Variants in BTD observed in about 807,000 individuals in gnomAD.
The protein encoded by BTD is biocytinase.
In BTD, 13 loss-of-function variants were observed where a neutral mutation model predicts 17.7. The observed-to-expected ratio is 0.74, with a 90% CI of 0.48 to 1.17. The LOEUF (loss-of-function observed/expected upper bound fraction) is 1.17, where lower values mean the gene tolerates loss of function less well. BTD is among the 50% of genes most tolerant of loss of function. The pLI, the probability that BTD is intolerant of heterozygous loss-of-function variation, is 0.00. For synonymous variants in BTD, 240 were observed against 245.2 expected (o/e 0.98, Z 0.20); for missense variants, 674 against 650.4 (o/e 1.04, Z -0.39).
At chr3:15,721,220 T>C (rs2073688942) in intron 4 of BTD, 2 of 1,027,114 alleles carry the variant, frequency 1.9e-6, no homozygotes, top group Admixed American at 4.4e-5. Flanking sequence ...GCAATCAAAT[T>C]ACTAAAGTGA....
intron 1 of BTD, among the ~76,000 whole-genome samples, chr3:15,617,454 G>A (rs188947842): frequency 3.3e-5 from 5 of 152,090 alleles, no homozygotes; most frequent in Non-Finnish European, 7.4e-5. Context: ...CTTGTGAAGG[G>A]TATAAGATCT....
chr3:15,642,050 A>T lies in BTD; in HGVS notation c.392A>T (p.Asp131Val). ...TGCCTGGAGCCTCACCGCTTCAATG[A>T]CACAGAGGTGATTCCTGCCTTTTTC... ...NPCLEPHRFN[D>V]TEVLQRLSCM... The change falls in exon 3 of 4, where the codon GAC becomes GTC. Residue 131 changes from aspartate to valine, a missense_variant. Physicochemically the swap from Asp to Val is radical, Grantham distance 152. Coordinates refer to ENST00000643237, the MANE Select transcript of BTD (RefSeq NM_001370658.1). 6.2e-7 allele frequency: 1 copy of T among 1,614,140 alleles called. No homozygotes were observed. The highest frequency in any genetic ancestry group is 8.5e-7 in the Non-Finnish European group (1 of 1,180,006).
At chr3:15,678,030 T>C (rs1388305934) in intron 3 of BTD, among the ~76,000 whole-genome samples, 1 of 152,146 alleles carries the variant, frequency 6.6e-6, no homozygotes, top group Admixed American at 6.6e-5. Context: ...GACTCCTCAA[T>C]AGTCAGGGCA....
At chr3:15,665,752 C>T (rs191242314) in intron 3 of BTD, among the ~76,000 whole-genome samples, 42 of 152,278 alleles carry the variant, frequency 2.8e-4, no homozygotes, top group Non-Finnish European at 4.6e-4. Context: ...ATGTGATGCA[C>T]GCAGAAGGCA....
intron 1 of BTD, among the ~76,000 whole-genome samples, chr3:15,630,669 T>A (rs2065183507): frequency 6.6e-6 from 1 of 152,220 alleles, no homozygotes; most frequent in South Asian, 2.1e-4. Flanking sequence ...TCTCTTTTTT[T>A]AAAATAATAG....
chr3:15,714,858 C>T (rs2072814641), downstream of BTD, among the ~76,000 whole-genome samples: 1 of 151,994 alleles, frequency 6.6e-6, no homozygotes, highest in South Asian at 2.1e-4. Context: ...CACAAATATA[C>T]AAAAATTCCA....
intron 3 of BTD, chr3:15,670,173 C>G (rs2066205074): frequency 7.3e-7 from 1 of 1,365,420 alleles, no homozygotes; most frequent in African/African-American, 1.5e-5. Context: ...GGGATCTTTC[C>G]TCTTAGGTTG....
At chr3:15,687,989 C>T (rs1381092343) in intron 3 of BTD, among the ~76,000 whole-genome samples, 7 of 152,158 alleles carry the variant, frequency 4.6e-5, no homozygotes, top group Admixed American at 4.6e-4. Flanking sequence ...TCTCTATAGA[C>T]CTCCAAATTT....
intron 3 of BTD, chr3:15,695,224 A>T: frequency 6.4e-7 from 1 of 1,566,432 alleles, no homozygotes. Flanking sequence ...TCTGAAATAA[A>T]AGTCAAAACA....
intron 3 of BTD, among the ~76,000 whole-genome samples, chr3:15,704,614 A>G (rs1415562252): frequency 6.6e-6 from 1 of 152,244 alleles, no homozygotes; most frequent in Non-Finnish European, 1.5e-5. Flanking sequence ...TTGCTTTGGC[A>G]GAATGAGTTA....
intron 1 of BTD, among the ~76,000 whole-genome samples, chr3:15,634,355 C>CA (rs1389653031): frequency 3.3e-5 from 5 of 152,186 alleles, no homozygotes; most frequent in Non-Finnish European, 7.3e-5. Context: ...TGTTCAGCCC[C>CA]AGGACATCTC....
At position 15,643,035 on chromosome 3, in the gene BTD, A is replaced by AT. The variant is rs1421458798; in HGVS notation, c.399+978_399+979insT. 4.7e-4 allele frequency among the ~76,000 whole-genome samples: 64 copies of AT among 135,926 alleles called. 5 individuals carry two copies. Among genetic ancestry groups the AT allele is most frequent in the African/African-American group, 1.5e-3 (47 of 31,136 alleles). The allele number at this position is 135,926 out of a possible 152,430, so 89.2% of individuals were successfully genotyped here. A position where few individuals can be genotyped will look rare whatever the true frequency, so the allele number is the denominator to read the frequency against. On this transcript the variant is annotated intron_variant, in intron 3 of 3. Coordinates refer to ENST00000643237, the MANE Select transcript of BTD (RefSeq NM_001370658.1). ...GGAGCAAAACTCTGCCTCAAAAAAA[A>AT]AAAAAAAAATAAAATAAAATAAAGA...
At chr3:15,720,854 C>T (rs920839011) in intron 4 of BTD, 5 of 1,441,496 alleles carry the variant, frequency 3.5e-6, no homozygotes, top group East Asian at 2.3e-5. Context: ...TGGTATTCAC[C>T]ATTGATGTTG....
At chr3:15,685,291 A>G in intron 3 of BTD, 1 of 1,614,012 alleles carries the variant, frequency 6.2e-7, no homozygotes, top group Non-Finnish European at 8.5e-7. Context: ...ATTTGCATCC[A>G]TAGATGCTGC....
rs1190429401 is a variant in BTD, at chr3:15,646,939, G to C, written c.*1451G>C. 2 of 152,090 alleles carry C rather than the reference G, an allele frequency of 1.3e-5. No homozygotes were observed. Among genetic ancestry groups the C allele is most frequent in the Non-Finnish European group, 2.9e-5 (2 of 68,020 alleles). The allele number at this position is 152,090 out of a possible 1,614,324, so 9.4% of individuals were successfully genotyped here. A position where few individuals can be genotyped will look rare whatever the true frequency, so the allele number is the denominator to read the frequency against. On this transcript the variant is annotated 3_prime_UTR_variant, in exon 4 of 4. Transcript: ENST00000643237. Reference sequence around the variant, plus strand: ...TGGCCTCACCATTAACTCCTCACTGGGGAGACCTTGGGCCTCGGTTTTTTA... The same window carrying C: ...TGGCCTCACCATTAACTCCTCACTGCGGAGACCTTGGGCCTCGGTTTTTTA...
intron 1 of BTD, among the ~76,000 whole-genome samples, chr3:15,613,111 A>G (rs1391985204): frequency 1.3e-5 from 2 of 152,202 alleles, no homozygotes; most frequent in Non-Finnish European, 2.9e-5. Context: ...TTTTAACTAC[A>G]TATGTGAAAG....
intron 1 of BTD, among the ~76,000 whole-genome samples, chr3:15,616,532 C>A (rs1023661543): frequency 2.0e-5 from 3 of 151,956 alleles, no homozygotes; most frequent in Non-Finnish European, 2.9e-5. Flanking sequence ...AGGAGAATTT[C>A]TTGAACCTGG....
chr3:15,626,317 G>A (rs1400603301), intron 1 of BTD, among the ~76,000 whole-genome samples: 1 of 152,194 alleles, frequency 6.6e-6, no homozygotes, highest in Non-Finnish European at 1.5e-5. Flanking sequence ...TCTACTTTAA[G>A]AGTAACTTCT....
chr3:15,616,291 C>G (rs979303347), intron 1 of BTD, among the ~76,000 whole-genome samples: 3 of 152,150 alleles, frequency 2.0e-5, no homozygotes, highest in African/African-American at 7.2e-5. Context: ...TCCTGTTGCT[C>G]TATATTCTCA....
Sources: gnomAD v4.1 joint callset for allele counts (sites outside exome capture counted in the v4.1 genomes callset) on GRCh38, gnomAD v4.1.1 for gene constraint, MANE v1.5 for transcripts, NCBI Gene and HGNC (gene_info 2026-07-23, HGNC 2026-07-21) for gene names.